Variants in NXF1 observed in about 807,000 individuals in gnomAD.
NXF1 encodes nuclear RNA export factor 1.
Under a neutral mutation model 92.4 loss-of-function variants are expected in NXF1, and 43 were observed. That is an observed-to-expected ratio of 0.47 (90% confidence interval 0.36 to 0.60). The LOEUF (loss-of-function observed/expected upper bound fraction) is 0.60, where lower values mean the gene tolerates loss of function less well. Among genes scored for constraint, NXF1 ranks in the 20% least tolerant of loss-of-function variants. NXF1 has a pLI of 0.00. For missense variants in NXF1, 576 were observed against 793.0 expected, an observed-to-expected ratio of 0.73 and a Z score of 3.29; for synonymous variants, 288 against 292.2, an observed-to-expected ratio of 0.99 and a Z score of 0.15.
intron 19 of NXF1, among the ~76,000 whole-genome samples, chr11:62,793,311 T>C (rs1056044864): frequency 6.6e-6 from 1 of 152,142 alleles, no homozygotes; most frequent in Admixed American, 6.5e-5. Flanking sequence ...TCTCTTGACC[T>C]CGTGATCTGG....
intron 13 of NXF1, 73 bp from the exon 14 acceptor site, chr11:62,796,640 A>C: frequency 9.8e-7 from 1 of 1,023,346 alleles, no homozygotes; most frequent in East Asian, 2.5e-5. Context: ...AGCTCCCAAG[A>C]GTGAGTTGTG....
intron 13 of NXF1, 146 bp downstream of exon 13, chr11:62,797,037 C>T: frequency 1.4e-6 from 1 of 710,034 alleles, no homozygotes; most frequent in East Asian, 2.7e-5. Flanking sequence ...CATTGCACTC[C>T]AGCCTGGGTG....
chr11:62,800,579 T>A, intron 9 of NXF1, 93 bp from the exon 10 acceptor site: 2 of 706,320 alleles, frequency 2.8e-6, no homozygotes, highest in Non-Finnish European at 4.6e-6. Flanking sequence ...AGCTCTGAGA[T>A]CTTTTCTAAT....
At chr11:62,798,883 C>G (rs2084449090) in intron 10 of NXF1, 1 of 1,198,206 alleles carries the variant, frequency 8.3e-7, no homozygotes, top group Admixed American at 4.2e-5. Context: ...TACCTTCCAC[C>G]TACTCACCTG....
chr11:62,796,597 G>T, intron 13 of NXF1, 30 bp from the exon 14 acceptor site: 1 of 1,470,386 alleles, frequency 6.8e-7, no homozygotes, highest in Non-Finnish European at 9.5e-7. Flanking sequence ...GAAAGTATGG[G>T]CTCTGTGGTC....
In NXF1 at chr11:62,801,638, G is replaced by C. The variant is rs1266089655; in HGVS notation, c.640-7C>G. 6.2e-7 allele frequency: 1 copy of C among 1,612,448 alleles called. No individual in the cohort carries two copies. The highest frequency in any genetic ancestry group is 1.7e-4 in the Middle Eastern group (1 of 6,060). On this transcript the variant is annotated splice_polypyrimidine_tract_variant and splice_region_variant and intron_variant, in intron 6 of 20. Transcript: ENST00000294172. ...ATCGTTTGCTCATGATCAGCTAGAG[G>C]AAAAAGAAGGGTTTAGTGGTCACTG...
At chr11:62,795,849 TC>T in intron 17 of NXF1, 51 bp downstream of exon 17, 1 of 1,551,278 alleles carries the variant, frequency 6.4e-7, no homozygotes. Flanking sequence ...TGAGGAAAAT[TC>T]CAGCTGGGGG....
Position 62,792,370 on chromosome 11 carries a change from T to C in NXF1, c.*106A>G, listed in dbSNP as rs1440420617. ...GCAGCCCTCCCTCCCTCGGTCACAG[T>C]CACGGGGCGGCCTCGGGCCAGACAG... On this transcript the variant is annotated 3_prime_UTR_variant, in exon 21 of 21. Transcript: ENST00000294172. 5.0e-6 allele frequency: 7 copies of C among 1,398,766 alleles called. No individual in the cohort carries two copies. The Admixed American group carries it at 1.2e-4, about 23-fold the overall frequency. 86.6% of individuals were successfully genotyped at this position (1,398,766 alleles called of 1,614,324 possible).
chr11:62,792,145 T>G lies in NXF1; in HGVS notation c.*331A>C. 1.4e-6 allele frequency: 1 copy of G among 690,306 alleles called. No homozygotes were observed. The highest frequency in any genetic ancestry group is 2.4e-6 in the Non-Finnish European group (1 of 420,506). 42.8% of individuals were successfully genotyped at this position (690,306 alleles called of 1,614,324 possible). On this transcript the variant is annotated 3_prime_UTR_variant, in exon 21 of 21. Transcript: ENST00000294172. ...GAACACGAAATACAACATCACTCTT[T>G]ATATTAAAAAGTGCAGAACACGAAA...
Position 62,796,557 on chromosome 11 carries a change from T to C in NXF1, c.1189A>G (p.Ile397Val). 6.2e-7 allele frequency: 1 copy of C among 1,611,066 alleles called. No individual in the cohort carries two copies. Among genetic ancestry groups the C allele is most frequent in the Non-Finnish European group, 8.5e-7 (1 of 1,177,268 alleles). Residue 397 changes from isoleucine (I) to valine (V), a missense_variant, in exon 14 of 21, where the codon ATT (isoleucine) becomes GTT (valine). Physicochemically the swap from Ile to Val is conservative, Grantham distance 29. Transcript: ENST00000294172. ...CCTTGTCGGTCTCCAGAGTCGTAAA[T>C]TGCATAGTACCTATGGGAAAAACAA... ...VLHFLQQYYA[I>V]YDSGDRQGLL... is the part of the protein sequence containing the mutation.
At position 62,799,071 on chromosome 11, in the gene NXF1, A is replaced by G. The variant is rs546694940; in HGVS notation, c.1017-496T>C. ...GCTCAGGAAGAGGAGAGGCAAAGGA[A>G]TAAGAAAGGAAAAGGAGGAAAAAGA... On this transcript the variant is annotated intron_variant, in intron 10 of 20. Coordinates refer to ENST00000294172, the MANE Select transcript of NXF1 (RefSeq NM_006362.5). 110 of 990,292 alleles carry G rather than the reference A, an allele frequency of 1.1e-4. 1 individual carries two copies. The African/African-American group carries it at 1.7e-3, about 16-fold the overall frequency. 61.3% of individuals were successfully genotyped at this position (990,292 alleles called of 1,614,324 possible).
chr11:62,792,579 A>T (rs2084376331), intron 20 of NXF1, 62 bp downstream of exon 20: 1 of 1,613,574 alleles, frequency 6.2e-7, no homozygotes, highest in Admixed American at 1.7e-5. Context: ...CCACTCAGCT[A>T]ACCTGACCTC....
intron 10 of NXF1, chr11:62,799,205 A>G: frequency 3.0e-6 from 3 of 985,796 alleles, no homozygotes; most frequent in Non-Finnish European, 1.2e-6. Flanking sequence ...CAAGGCAAAA[A>G]AGCATCTAGA....
Position 62,802,051 on chromosome 11 carries a change from A to G in NXF1, c.454-5T>C. The G allele has an allele frequency of 6.2e-7, 1 of 1,613,668 alleles. No homozygotes were observed. Among genetic ancestry groups the G allele is most frequent in the Non-Finnish European group, 8.5e-7 (1 of 1,179,520 alleles). ...CCGTGTATTCTCATAGTGAAACTAC[A>G]AGAGGAAACAGGAGCATTACACTGG... On this transcript the variant is annotated splice_region_variant and splice_polypyrimidine_tract_variant and intron_variant, in intron 4 of 20. Coordinates refer to ENST00000294172, the MANE Select transcript of NXF1 (RefSeq NM_006362.5).
At chr11:62,800,880 C>T (rs1343544152) in intron 9 of NXF1, among the ~76,000 whole-genome samples, 1 of 152,202 alleles carries the variant, frequency 6.6e-6, no homozygotes, top group African/African-American at 2.4e-5. Flanking sequence ...AGCAATCCTC[C>T]CACCTCAGCC....
At position 62,800,888 on chromosome 11, in the gene NXF1, GCCCC is replaced by G. The variant is rs1201506384; in HGVS notation, c.906+202_906+205del. ...GAGCTCAAGCAATCCTCCCACCTCAGCCCCCTGGGGCAGCTTGGACTAGAGGCGT... is the reference window on the plus strand; with the variant it reads ...GAGCTCAAGCAATCCTCCCACCTCAGCTGGGGCAGCTTGGACTAGAGGCGT... On this transcript the variant is annotated intron_variant, in intron 9 of 20. Transcript: ENST00000294172. Among the ~76,000 whole-genome samples the G allele has an allele frequency of 5.9e-5, 9 of 152,286 alleles. No homozygotes were observed. In the East Asian group the frequency reaches 1.7e-3, roughly 29 times the overall value.
chr11:62,803,776 C>A lies in NXF1; in HGVS notation c.215+16G>T, dbSNP rs1290440418. 1.9e-6 allele frequency: 3 copies of A among 1,609,692 alleles called. No homozygotes were observed. The highest frequency in any genetic ancestry group is 1.7e-6 in the Non-Finnish European group (2 of 1,177,132). On this transcript the variant is annotated intron_variant, in intron 2 of 20. Transcript: ENST00000294172. The stretch of plus-strand genomic sequence containing the variant: ...CATGAGCCACTAAATTCAAACCAGA[C>A]CAACTGGTCACTCACTATCGTACTC...
In NXF1 at chr11:62,792,198, T is replaced by G. The variant is rs937113862; in HGVS notation, c.*278A>C. The stretch of plus-strand genomic sequence containing the variant: ...CAACATCACTCTTTATATTAAAAAG[T>G]AAGGAGGTCCTGGGGTTAAGTACAC... On this transcript the variant is annotated 3_prime_UTR_variant, in exon 21 of 21. Transcript: ENST00000294172. The G allele has an allele frequency of 4.5e-5, 29 of 641,712 alleles. No homozygotes were observed. The highest frequency in any genetic ancestry group is 7.5e-5 in the Non-Finnish European group (28 of 372,692). The allele number at this position is 641,712 out of a possible 1,614,324, so 39.8% of individuals were successfully genotyped here. A position where few individuals can be genotyped will look rare whatever the true frequency, so the allele number is the denominator to read the frequency against.
rs745558995 is a variant in NXF1 at position 62,801,320 on chromosome 11, A to G, written c.798+9T>C. 7 of 1,613,682 alleles carry G rather than the reference A, an allele frequency of 4.3e-6. No homozygotes were observed. The highest frequency in any genetic ancestry group is 1.6e-4 in the Middle Eastern group (1 of 6,084). On this transcript the variant is annotated intron_variant, in intron 8 of 20. Transcript: ENST00000294172. ...TTCCTCATGCCTAATACTGGGCCAA[A>G]GGCCTTACCTCAGGGATGTTCTCTT...
Sources: gnomAD v4.1 joint callset for allele counts (sites outside exome capture counted in the v4.1 genomes callset) on GRCh38, gnomAD v4.1.1 for gene constraint, MANE v1.5 for transcripts, NCBI Gene and HGNC (gene_info 2026-07-23, HGNC 2026-07-21) for gene names.